Variants in IGSF3 observed in about 807,000 individuals in gnomAD.
IGSF3 encodes the protein glu-Trp-Ile EWI motif-containing protein 3.
A neutral mutation model predicts 114.4 loss-of-function variants in IGSF3; 23 were observed. That is an observed-to-expected ratio of 0.20 (90% CI 0.14 to 0.28). IGSF3 has a LOEUF of 0.28. Among genes scored for constraint, IGSF3 ranks in the 10% least tolerant of loss-of-function variants. The probability of loss-of-function intolerance (pLI) is 1.00; values close to 1 mark genes in which losing one functional copy is unlikely to be tolerated. For missense variants in IGSF3, 1,172 were observed against 1,591.5 expected (o/e 0.74, Z 4.48); for synonymous variants, 571 against 645.2 (o/e 0.88, Z 1.74).
In IGSF3 at chr1:116,577,661, C is replaced by G; in HGVS notation, c.3335-99G>C. On this transcript the variant is annotated intron_variant, in intron 10 of 10. Coordinates refer to ENST00000369486, the MANE Select transcript of IGSF3 (RefSeq NM_001007237.3). The surrounding 1 kb of genome is among the most constrained non-coding windows in gnomAD (Gnocchi z 5.7). ...CTCACCTGACCCAGTGGAAGCTCCT[C>G]GGTGACACTCCCACACCACCTTGTC... The G allele has an allele frequency of 1.8e-6, 2 of 1,090,878 alleles. No homozygotes were observed. Among genetic ancestry groups the G allele is most frequent in the Non-Finnish European group, 2.7e-6 (2 of 741,972 alleles). 67.6% of individuals were successfully genotyped at this position (1,090,878 alleles called of 1,614,324 possible).
chr1:116,586,878 AGGGACT>A (rs1342574107), intron 8 of IGSF3, among the ~76,000 whole-genome samples: 4 of 152,194 alleles, frequency 2.6e-5, no homozygotes, highest in Admixed American at 2.6e-4. Context: ...CAAAAGCCCC[AGGGACT>A]GGCCTGAAGT....
In IGSF3 at chr1:116,594,869, A is replaced by T. The variant is rs1362676603; in HGVS notation, c.2029+5072T>A. 6.8e-6 allele frequency among the ~76,000 whole-genome samples: 1 copy of T among 146,832 alleles called. No homozygotes were observed. Among genetic ancestry groups the T allele is most frequent in the African/African-American group, 2.5e-5 (1 of 39,472 alleles). On this transcript the variant is annotated intron_variant, in intron 7 of 10. Transcript: ENST00000369486. The surrounding 1 kb of genome is among the most constrained non-coding windows in gnomAD (Gnocchi z 5.2). Reference sequence around the variant, plus strand: ...TGAAATGCTCCACTCCTCCTTCCCAACCTCCCACCCTCACCCCTACCCCAT... The same window carrying T: ...TGAAATGCTCCACTCCTCCTTCCCATCCTCCCACCCTCACCCCTACCCCAT...
intron 9 of IGSF3, among the ~76,000 whole-genome samples, chr1:116,580,794 G>C (rs1659571176): frequency 6.6e-6 from 1 of 152,234 alleles, no homozygotes. Flanking sequence ...AGAGAAGACA[G>C]AGAGAAAGTG....
At chr1:116,617,688 T>C (rs372484262) in intron 2 of IGSF3, among the ~76,000 whole-genome samples, 1 of 152,066 alleles carries the variant, frequency 6.6e-6, no homozygotes. Flanking sequence ...TCTCATAGGG[T>C]TATTGAGAAG....
Position 116,628,190 on chromosome 1 carries a change from T to C in IGSF3, c.44-11733A>G, listed in dbSNP as rs1301824713. Among the ~76,000 whole-genome samples, 4 of 152,208 alleles carry C rather than the reference T, an allele frequency of 2.6e-5. No homozygotes were observed. The highest frequency in any genetic ancestry group is 7.2e-5 in the African/African-American group (3 of 41,454). ...ATGAGTGAGGATCACAGCACAGCTATGCCTTGCAAGGACCAGAACTGGAAA... is the reference window on the plus strand; with the variant it reads ...ATGAGTGAGGATCACAGCACAGCTACGCCTTGCAAGGACCAGAACTGGAAA... On this transcript the variant is annotated intron_variant, in intron 2 of 10. Transcript: ENST00000369486. This position sits in a 1 kb window ranked among gnomAD's most constrained non-coding sequence, Gnocchi z 4.2.
chr1:116,635,634 T>G (rs1647793249), intron 2 of IGSF3, among the ~76,000 whole-genome samples: 1 of 152,234 alleles, frequency 6.6e-6, no homozygotes. Flanking sequence ...TAAGGCAGCT[T>G]AAGCACAAAG....
At position 116,588,754 on chromosome 1, in the gene IGSF3, C is replaced by A; in HGVS notation, c.2380G>T (p.Ala794Ser). Residue 794 changes from alanine (A) to serine (S), a missense_variant, in exon 8 of 11, where the codon GCC (alanine) becomes TCC (serine). Coordinates refer to ENST00000369486, the MANE Select transcript of IGSF3 (RefSeq NM_001007237.3). The surrounding 1 kb of genome is among the most constrained non-coding windows in gnomAD (Gnocchi z 4.9). Reference protein sequence around the residue: ...VEEWLLSPNYAWYKLAEEVSG... With the variant: ...VEEWLLSPNYSWYKLAEEVSG... ...ACCTCCTCTGCCAGCTTGTACCAGGCGTAGTTGGGGCTCAGCAGCCACTCC... is the reference window on the plus strand; with the variant it reads ...ACCTCCTCTGCCAGCTTGTACCAGGAGTAGTTGGGGCTCAGCAGCCACTCC... 6.2e-7 allele frequency: 1 copy of A among 1,613,950 alleles called. No individual in the cohort carries two copies. Among genetic ancestry groups the A allele is most frequent in the Non-Finnish European group, 8.5e-7 (1 of 1,179,906 alleles).
Position 116,579,767 on chromosome 1 carries a change from C to T in IGSF3, c.2959G>A (p.Ala987Thr), listed in dbSNP as rs764947089. ...VSRSSQDSRFAVAWYSLRTKA... is the reference protein window; with the variant it reads ...VSRSSQDSRFTVAWYSLRTKA... ...GTCCTCAGGGAATACCAGGCCACAG[C>T]GAAGCGGGAGTCCTGGCTGGAGCGG... Residue 987 changes from alanine to threonine, a missense_variant, in exon 10 of 11, where the codon GCT (alanine) becomes ACT (threonine). Around this residue, in one of 3 missense-constraint regions of IGSF3, gnomAD observed 423 missense variants for 509.8 expected, o/e 0.83. Coordinates refer to ENST00000369486, the MANE Select transcript of IGSF3 (RefSeq NM_001007237.3). This position sits in a 1 kb window ranked among gnomAD's most constrained non-coding sequence, Gnocchi z 6.4. 3 of 1,614,166 alleles carry T rather than the reference C, an allele frequency of 1.9e-6. No individual in the cohort carries two copies. Among genetic ancestry groups the T allele is most frequent in the East Asian group, 2.2e-5 (1 of 44,886 alleles).
rs1054264573 is a variant in IGSF3 at position 116,593,907 on chromosome 1, A to G, written c.2030-4803T>C. ...AAAGATGTAAAATTGTATCTGGGAC[A>G]ACTCCATGCAACAAAACTCTGCCTC... is the stretch of plus-strand genomic sequence containing the variant. On this transcript the variant is annotated intron_variant, in intron 7 of 10. Transcript: ENST00000369486. This position sits in a 1 kb window ranked among gnomAD's most constrained non-coding sequence, Gnocchi z 4.5. Among the ~76,000 whole-genome samples the G allele has an allele frequency of 6.6e-6, 1 of 152,228 alleles. No homozygotes were observed. Among genetic ancestry groups the G allele is most frequent in the Non-Finnish European group, 1.5e-5 (1 of 68,036 alleles).
chr1:116,666,543 G>A lies in IGSF3; in HGVS notation c.-217C>T, dbSNP rs1252415702. The A allele has an allele frequency of 1.6e-6, 1 of 613,104 alleles. No homozygotes were observed. The highest frequency in any genetic ancestry group is 2.7e-5 in the East Asian group (1 of 36,676). The allele number at this position is 613,104 out of a possible 1,614,324, so 38.0% of individuals were successfully genotyped here. A position where few individuals can be genotyped will look rare whatever the true frequency, so the allele number is the denominator to read the frequency against. On this transcript the variant is annotated 5_prime_UTR_variant, in exon 2 of 11. Transcript: ENST00000369486. The stretch of plus-strand genomic sequence containing the variant: ...GTGTGAAAACTCCCCTATGCTACAG[G>A]AAGGGTCCACAACAATTCGGAAGTC...
Position 116,628,707 on chromosome 1 carries a change from G to A in IGSF3, c.44-12250C>T, listed in dbSNP as rs758090874. Among the ~76,000 whole-genome samples, 11 of 152,180 alleles carry A rather than the reference G, an allele frequency of 7.2e-5. No homozygotes were observed. The highest frequency in any genetic ancestry group is 1.7e-4 in the African/African-American group (7 of 41,440). The stretch of plus-strand genomic sequence containing the variant: ...GGGGGTTTTCCCAAGCACGTGTTAC[G>A]TATGATAATAATGGATGGCCGCTCC... On this transcript the variant is annotated intron_variant, in intron 2 of 10. Coordinates refer to ENST00000369486, the MANE Select transcript of IGSF3 (RefSeq NM_001007237.3). This position sits in a 1 kb window ranked among gnomAD's most constrained non-coding sequence, Gnocchi z 4.2.
At position 116,575,174 on chromosome 1, in the gene IGSF3, A is replaced by G. The variant is rs1659288986; in HGVS notation, c.*2138T>C. 6.5e-6 allele frequency: 1 copy of G among 152,712 alleles called. No individual in the cohort carries two copies. Among genetic ancestry groups the G allele is most frequent in the Admixed American group, 6.5e-5 (1 of 15,278 alleles). 9.5% of individuals were successfully genotyped at this position (152,712 alleles called of 1,614,324 possible). A position where few individuals can be genotyped will look rare whatever the true frequency, so the allele number is the denominator to read the frequency against. ...TGACTCAGCCTATAAAGTAGGAGTC[A>G]GCAAATTCCCACTGAAAGCCCACAT... On this transcript the variant is annotated 3_prime_UTR_variant, in exon 11 of 11. Transcript: ENST00000369486. This position sits in a 1 kb window ranked among gnomAD's most constrained non-coding sequence, Gnocchi z 5.6.
Position 116,607,153 on chromosome 1 carries a change from T to C in IGSF3, c.1222+789A>G, listed in dbSNP as rs1469515859. On this transcript the variant is annotated intron_variant, in intron 5 of 10. Coordinates refer to ENST00000369486, the MANE Select transcript of IGSF3 (RefSeq NM_001007237.3). The surrounding 1 kb of genome is among the most constrained non-coding windows in gnomAD (Gnocchi z 6.1). ...TACCACTTGTTTAAAATCAGAGCAT[T>C]ATAGGTTTTTATTCTCTTTACTAAA... Among the ~76,000 whole-genome samples the C allele has an allele frequency of 3.9e-5, 6 of 152,250 alleles. No individual in the cohort carries two copies. The highest frequency in any genetic ancestry group is 3.9e-4 in the Admixed American group (6 of 15,288).
rs1239468101 is a variant in IGSF3, at chr1:116,582,153, T to G, written c.2849-2276A>C. Among the ~76,000 whole-genome samples the G allele has an allele frequency of 6.6e-6, 1 of 152,218 alleles. No individual in the cohort carries two copies. The highest frequency in any genetic ancestry group is 1.5e-5 in the Non-Finnish European group (1 of 68,048). On this transcript the variant is annotated intron_variant, in intron 9 of 10. Transcript: ENST00000369486. This position sits in a 1 kb window ranked among gnomAD's most constrained non-coding sequence, Gnocchi z 4.7. The stretch of plus-strand genomic sequence containing the variant: ...TACAAGTTTTTCGACAGAAATTAAT[T>G]TCCACCTTCCCACAATCTCTCTCCC...
rs752203786 is a variant in IGSF3 at position 116,614,159 on chromosome 1, C to T, written c.438G>A (p.Leu146=). ...GAGTCTGGGGCATGGCAGTGGTCTG[C>T]AGGGAGTCTGGGATCACTGCAACAC... The part of the protein sequence containing the change: ...KMNLVVIPDS[L]QTTAMPQTLH... Residue 146 remains leucine, a synonymous_variant, in exon 4 of 11, where the codon CTG becomes CTA. Transcript: ENST00000369486. This position sits in a 1 kb window ranked among gnomAD's most constrained non-coding sequence, Gnocchi z 4.5. The T allele has an allele frequency of 1.9e-6, 3 of 1,610,436 alleles. No homozygotes were observed. Among genetic ancestry groups the T allele is most frequent in the Admixed American group, 3.3e-5 (2 of 59,970 alleles).
At position 116,616,320 on chromosome 1, in the gene IGSF3, G is replaced by A; in HGVS notation, c.181C>T (p.Leu61=). Residue 61 remains leucine (L), a synonymous_variant, in exon 3 of 11, where the codon CTG becomes TTG. Transcript: ENST00000369486. The surrounding 1 kb of genome is among the most constrained non-coding windows in gnomAD (Gnocchi z 6.6). ...SEQNFQWSIY[L]PSSPEREVQI... ...ACCTCTCGCTCTGGCGACGAAGGCA[G>A]GTAAATGGACCACTGGAAATTCTGC... 1.9e-6 allele frequency: 3 copies of A among 1,612,190 alleles called. No individual in the cohort carries two copies. The highest frequency in any genetic ancestry group is 2.5e-6 in the Non-Finnish European group (3 of 1,179,934).
chr1:116,656,719 T>C (rs1648868327), intron 2 of IGSF3, among the ~76,000 whole-genome samples: 1 of 151,500 alleles, frequency 6.6e-6, no homozygotes, highest in Admixed American at 6.6e-5. Context: ...AGGTCAGGAG[T>C]TGGAGAGCAG....
At position 116,638,459 on chromosome 1, in the gene IGSF3, A is replaced by G. The variant is rs1647931950; in HGVS notation, c.44-22002T>C. On this transcript the variant is annotated intron_variant, in intron 2 of 10. Coordinates refer to ENST00000369486, the MANE Select transcript of IGSF3 (RefSeq NM_001007237.3). This position sits in a 1 kb window ranked among gnomAD's most constrained non-coding sequence, Gnocchi z 4.1. ...AATGGCCAGAGATTCCACTTTGCCAATCACATCAAGTCCAAACTCCGTGTC... is the reference window on the plus strand; with the variant it reads ...AATGGCCAGAGATTCCACTTTGCCAGTCACATCAAGTCCAAACTCCGTGTC... Among the ~76,000 whole-genome samples, 1 of 152,216 alleles carries G rather than the reference A, an allele frequency of 6.6e-6. No individual in the cohort carries two copies. Among genetic ancestry groups the G allele is most frequent in the South Asian group, 2.1e-4 (1 of 4,828 alleles).
intron 7 of IGSF3, among the ~76,000 whole-genome samples, chr1:116,590,479 G>C (rs528267297): frequency 1.5e-3 from 228 of 152,242 alleles, no homozygotes; most frequent in Non-Finnish European, 2.6e-3. Context: ...CCGCCACAGG[G>C]ACCAAACCAC....
Sources: gnomAD v4.1 joint callset for allele counts (sites outside exome capture counted in the v4.1 genomes callset) on GRCh38, gnomAD v4.1.1 for gene constraint, gnomAD v4.1.1 regional missense constraint, Gnocchi (gnomAD v3.1) non-coding constraint, MANE v1.5 for transcripts, NCBI Gene and HGNC (gene_info 2026-07-23, HGNC 2026-07-21) for gene names.